Variants in PCDHGA9 observed in about 807,000 individuals in gnomAD.
The protein encoded by PCDHGA9 is protocadherin gamma subfamily A, 9.
In PCDHGA9, 37 loss-of-function variants were observed where a neutral mutation model predicts 62.5. The observed-to-expected ratio is 0.59, with a 90% CI of 0.46 to 0.78. The LOEUF (loss-of-function observed/expected upper bound fraction) is 0.78, where lower values mean the gene tolerates loss of function less well. PCDHGA9 is among the 30% of genes least tolerant of loss of function. The pLI, the probability that PCDHGA9 is intolerant of heterozygous loss-of-function variation, is 0.00. For synonymous variants in PCDHGA9, 459 were observed against 484.6 expected (o/e 0.95, Z 0.69); for missense variants, 1,138 against 1,166.2 (o/e 0.98, Z 0.35).
intron 1 of PCDHGA9, among the ~76,000 whole-genome samples, chr5:141,475,625 G>C (rs1172186188): frequency 2.0e-5 from 3 of 152,204 alleles, no homozygotes; most frequent in African/African-American, 7.2e-5. Flanking sequence ...GGTTTGGTTC[G>C]ATCCCCTTTC....
At chr5:141,497,722 T>C (rs1395904793) in intron 2 of PCDHGA9, among the ~76,000 whole-genome samples, 1 of 152,030 alleles carries the variant, frequency 6.6e-6, no homozygotes, top group Non-Finnish European at 1.5e-5. Flanking sequence ...GTATTTTTAG[T>C]AGAGATGGGT....
intron 1 of PCDHGA9, chr5:141,415,696 G>A (rs867312295): frequency 2.9e-6 from 4 of 1,397,470 alleles, no homozygotes; most frequent in Non-Finnish European, 3.8e-6. Flanking sequence ...GGTGGAAAGT[G>A]TAAATGCTAA....
chr5:141,421,379 AGGACCTGGGGCT>A, intron 1 of PCDHGA9: 1 of 1,614,054 alleles, frequency 6.2e-7, no homozygotes, highest in South Asian at 1.1e-5. Context: ...AATATCTCCA[AGGACCTGGGGCT>A]GGAGCCCCGG....
At chr5:141,433,308 C>A in intron 1 of PCDHGA9, 2 of 915,352 alleles carry the variant, frequency 2.2e-6, no homozygotes, top group Non-Finnish European at 1.6e-6. Context: ...ATTATCCCAC[C>A]TTTGCCTCCG....
At position 141,403,603 on chromosome 5, in the gene PCDHGA9, C is replaced by T. The variant is rs2094431906; in HGVS notation, c.651C>T (p.Gly217=). Residue 217 remains glycine (G), a synonymous_variant, in exon 1 of 4, where the codon GGC becomes GGT. Coordinates refer to ENST00000573521, the MANE Select transcript of PCDHGA9 (RefSeq NM_018921.3). ...AHHLVLTASD[G]GEPRRSSTVR... ...ACCTGGTCCTCACGGCCTCGGATGG[C>T]GGCGAGCCGCGTCGCTCCAGCACAG... 4 of 1,613,762 alleles carry T rather than the reference C, an allele frequency of 2.5e-6. No individual in the cohort carries two copies. The East Asian group carries it at 8.9e-5, about 36-fold the overall frequency.
At chr5:141,436,181 T>C (rs1050736907) in intron 1 of PCDHGA9, among the ~76,000 whole-genome samples, 2 of 152,092 alleles carry the variant, frequency 1.3e-5, no homozygotes, top group African/African-American at 4.8e-5. Flanking sequence ...TCATATATAG[T>C]CAAATAGAAA....
chr5:141,431,162 G>C lies in PCDHGA9; in HGVS notation c.2424+25786G>C, dbSNP rs757521794. The C allele has an allele frequency of 3.1e-6, 5 of 1,614,246 alleles. No homozygotes were observed. The South Asian group carries it at 5.5e-5, about 18-fold the overall frequency. On this transcript the variant is annotated intron_variant, in intron 1 of 3. Coordinates refer to ENST00000573521, the MANE Select transcript of PCDHGA9 (RefSeq NM_018921.3). The surrounding 1 kb of genome is among the most constrained non-coding windows in gnomAD (Gnocchi z 4.8). Reference sequence around the variant, plus strand: ...TAACGACAATGCGCCTTACTTTCGTGAAAGTGAATTAGAAATAAAAATTAG... The same window carrying C: ...TAACGACAATGCGCCTTACTTTCGTCAAAGTGAATTAGAAATAAAAATTAG...
At position 141,421,975 on chromosome 5, in the gene PCDHGA9, G is replaced by A. The variant is rs1287891140; in HGVS notation, c.2424+16599G>A. 3.1e-6 allele frequency: 5 copies of A among 1,610,050 alleles called. No individual in the cohort carries two copies. The South Asian group carries it at 3.3e-5, about 11-fold the overall frequency. On this transcript the variant is annotated intron_variant, in intron 1 of 3. Coordinates refer to ENST00000573521, the MANE Select transcript of PCDHGA9 (RefSeq NM_018921.3). ...AATGTTTACACAGTCCGTATATCGC[G>A]TGAGTGTTCCAGAAAACATCAGCTC...
Position 141,476,934 on chromosome 5 carries a change from A to G in PCDHGA9, c.2425-17873A>G, listed in dbSNP as rs199685528. On this transcript the variant is annotated intron_variant, in intron 1 of 3. Transcript: ENST00000573521. The surrounding 1 kb of genome is among the most constrained non-coding windows in gnomAD (Gnocchi z 7.6). ...CAAGTCCTTGCAACGGATCTGGATG[A>G]AGGCCCCAACGGTGAAATTATTTAC... 255 of 1,614,164 alleles carry G rather than the reference A, an allele frequency of 1.6e-4. 3 individuals carry two copies. In the South Asian group the frequency reaches 2.6e-3, roughly 16 times the overall value.
At chr5:141,414,870 G>T in intron 1 of PCDHGA9, 1 of 1,614,224 alleles carries the variant, frequency 6.2e-7, no homozygotes, top group Non-Finnish European at 8.5e-7. Flanking sequence ...ATGCGCCCGA[G>T]ATCCTGTACC....
chr5:141,415,039 G>A (rs761101620), intron 1 of PCDHGA9: 1 of 1,613,486 alleles, frequency 6.2e-7, no homozygotes, highest in South Asian at 1.1e-5. Context: ...GGGACTCTTC[G>A]CGGTGGGGGA....
rs745998723 is a variant in PCDHGA9 at position 141,405,165 on chromosome 5, C to T, written c.2213C>T (p.Ser738Leu). 1 of 1,614,096 alleles carries T rather than the reference C, an allele frequency of 6.2e-7. No individual in the cohort carries two copies. Among genetic ancestry groups the T allele is most frequent in the Admixed American group, 1.7e-5 (1 of 60,026 alleles). The change falls in exon 1 of 4, where the codon TCA becomes TTA. Residue 738 changes from serine (S) to leucine (L), a missense_variant. By Grantham distance (145) the Ser-to-Leu change is moderately radical. Transcript: ENST00000573521. ...GATGGGTTGGCTGGTGTGCCCACCTCACACTTTGTGGGTGTAGATGGGGTT... is the reference window on the plus strand; with the variant it reads ...GATGGGTTGGCTGGTGTGCCCACCTTACACTTTGTGGGTGTAGATGGGGTT... Reference protein sequence around the residue: ...TSDGLAGVPTSHFVGVDGVRA... With the variant: ...TSDGLAGVPTLHFVGVDGVRA...
At chr5:141,439,741 A>C (rs1303886454) in intron 1 of PCDHGA9, 1 of 152,352 alleles carries the variant, frequency 6.6e-6, no homozygotes, top group African/African-American at 2.4e-5. Flanking sequence ...AACGGAACGG[A>C]TTTACAGGCA....
rs1335023784 is a variant in PCDHGA9 at position 141,490,877 on chromosome 5, C to CCAA, written c.2425-3927_2425-3925dup. 2.5e-6 allele frequency: 4 copies of CCAA among 1,613,762 alleles called. No homozygotes were observed. Among genetic ancestry groups the CCAA allele is most frequent in the Non-Finnish European group, 3.4e-6 (4 of 1,179,908 alleles). On this transcript the variant is annotated intron_variant, in intron 1 of 3. Transcript: ENST00000573521. This position sits in a 1 kb window ranked among gnomAD's most constrained non-coding sequence, Gnocchi z 5.4. ...GACTCCGGCTCTCCCCCATTGCATG[C>CCAA]CAACACATCTCTGCATGTGTTTGTC...
intron 1 of PCDHGA9, chr5:141,422,019 G>T (rs777239843): frequency 1.9e-6 from 3 of 1,610,862 alleles, no homozygotes; most frequent in Non-Finnish European, 2.5e-6. Context: ...GGGTGCTGAT[G>T]GTTAATGCAA....
chr5:141,413,075 AG>A (rs1225722826), intron 1 of PCDHGA9: 11 of 1,246,492 alleles, frequency 8.8e-6, no homozygotes, highest in Non-Finnish European at 1.1e-5. Context: ...TAAAGTGCCC[AG>A]GCTACAGAGA....
At position 141,403,442 on chromosome 5, in the gene PCDHGA9, G is replaced by A; in HGVS notation, c.490G>A (p.Val164Met). The A allele has an allele frequency of 1.2e-6, 2 of 1,614,024 alleles. No individual in the cohort carries two copies. Among genetic ancestry groups the A allele is most frequent in the Admixed American group, 1.7e-5 (1 of 60,032 alleles). The change falls in exon 1 of 4, where the codon GTG becomes ATG. Residue 164 changes from valine (V) to methionine (M), a missense_variant. Physicochemically the swap from Val to Met is conservative, Grantham distance 21. Coordinates refer to ENST00000573521, the MANE Select transcript of PCDHGA9 (RefSeq NM_018921.3). The stretch of plus-strand genomic sequence containing the variant: ...AGAAGCTATTGATCCGGATGTTGGC[G>A]TGAACTCCCTCCAGAGCTACCAGCT... ...LPEAIDPDVG[V>M]NSLQSYQLSP...
chr5:141,492,224 T>C (rs2099738444), intron 1 of PCDHGA9, among the ~76,000 whole-genome samples: 1 of 152,134 alleles, frequency 6.6e-6, no homozygotes, highest in South Asian at 2.1e-4. Flanking sequence ...CTCATGCGTG[T>C]CCTCCCTGCT....
chr5:141,475,679 T>A (rs967189869), intron 1 of PCDHGA9, among the ~76,000 whole-genome samples: 2 of 152,236 alleles, frequency 1.3e-5, no homozygotes, highest in African/African-American at 4.8e-5. Flanking sequence ...GAGTCTTGAT[T>A]TGGATTGGAG....
Sources: allele counts gnomAD v4.1 joint callset (sites outside exome capture counted in the v4.1 genomes callset), GRCh38; gene constraint gnomAD v4.1.1; non-coding constraint Gnocchi (gnomAD v3.1); transcripts MANE v1.5; gene names NCBI Gene and HGNC (gene_info 2026-07-23, HGNC 2026-07-21).